CMSS1: variants seen among roughly 807,000 people sequenced by gnomAD.
CMSS1 encodes protein CMSS1.
In CMSS1, 33 loss-of-function variants were observed where a neutral mutation model predicts 43.5. That is an observed-to-expected ratio of 0.76 (90% confidence interval 0.57 to 1.01). The LOEUF (loss-of-function observed/expected upper bound fraction) is 1.01, where lower values mean the gene tolerates loss of function less well. Ranked by LOEUF, CMSS1 falls within the 50% of genes least tolerant of loss-of-function variation. The pLI is 0.00. For missense variants in CMSS1, 313 were observed against 326.4 expected, an observed-to-expected ratio of 0.96 and a Z score of 0.32; for synonymous variants, 115 against 117.2, an observed-to-expected ratio of 0.98 and a Z score of 0.12.
intron 1 of CMSS1, among the ~76,000 whole-genome samples, chr3:99,920,144 T>G (rs971211560): frequency 1.3e-5 from 2 of 152,224 alleles, no homozygotes; most frequent in Non-Finnish European, 2.9e-5. Context: ...TAACAATATT[T>G]CTTTCCTGCT....
intron 1 of CMSS1, among the ~76,000 whole-genome samples, chr3:99,929,181 T>C (rs1288072475): frequency 1.3e-5 from 2 of 152,272 alleles, no homozygotes; most frequent in East Asian, 3.9e-4. Context: ...TTCCAAAGGG[T>C]TTCAGAAATG....
chr3:100,136,184 AGAG>A (rs2066751561), intron 1 of CMSS1, among the ~76,000 whole-genome samples: 1 of 152,224 alleles, frequency 6.6e-6, no homozygotes, highest in Non-Finnish European at 1.5e-5. Context: ...GGAGAGAAGA[AGAG>A]ATCTTAAGGA....
At chr3:99,872,266 G>A (rs971961309) in intron 1 of CMSS1, among the ~76,000 whole-genome samples, 5 of 85,536 alleles carry the variant, frequency 5.8e-5, no homozygotes, top group Admixed American at 4.4e-4. Context: ...TTCTGTGCCA[G>A]GACTGTGTGT....
chr3:99,929,513 AGTGT>A (rs10629410), intron 1 of CMSS1, among the ~76,000 whole-genome samples: 2,100 of 148,268 alleles, frequency 0.014, 16 homozygotes, highest in African/African-American at 0.023. Context: ...AAGTTCCCAG[AGTGT>A]GTGTGTGTGT....
At position 100,147,029 on chromosome 3, in the gene CMSS1, C is replaced by G. The variant is rs1468420431; in HGVS notation, c.121C>G (p.Pro41Ala). The G allele has an allele frequency of 1.2e-6, 2 of 1,613,904 alleles. No homozygotes were observed. The highest frequency in any genetic ancestry group is 2.2e-5 in the South Asian group (2 of 91,038). Residue 41 changes from proline (P) to alanine (A), a missense_variant, in exon 2 of 10, where the codon CCA (proline) becomes GCA (alanine). Pro to Ala is a conservative substitution (Grantham distance 27). Coordinates refer to ENST00000421999, the MANE Select transcript of CMSS1 (RefSeq NM_032359.4). The part of the protein sequence containing the change: ...DTEVMQQETV[P>A]VPVPSEKTKQ... The stretch of plus-strand genomic sequence containing the variant: ...AGAAGTGATGCAGCAGGAGACAGTT[C>G]CAGTTCCTGTACCTTCAGAGAAAAC...
At chr3:100,034,410 G>A (rs1240476906) in intron 1 of CMSS1, among the ~76,000 whole-genome samples, 1 of 152,190 alleles carries the variant, frequency 6.6e-6, no homozygotes, top group African/African-American at 2.4e-5. Context: ...AGATGTAATG[G>A]AAAGAATTCA....
At chr3:100,117,658 A>C (rs1371557329) in intron 1 of CMSS1, among the ~76,000 whole-genome samples, 1 of 151,826 alleles carries the variant, frequency 6.6e-6, no homozygotes, top group Non-Finnish European at 1.5e-5. Context: ...AGACATTAGA[A>C]AACAACTAAT....
intron 1 of CMSS1, among the ~76,000 whole-genome samples, chr3:100,115,575 GTC>G (rs66793218): frequency 0.037 from 3,598 of 97,402 alleles, 101 homozygotes; most frequent in East Asian, 0.08. Flanking sequence ...CTCTCTCTCT[GTC>G]TCTCTCTCTC....
chr3:100,112,630 T>C (rs1041479055), intron 1 of CMSS1, among the ~76,000 whole-genome samples: 9 of 152,370 alleles, frequency 5.9e-5, no homozygotes, highest in African/African-American at 2.2e-4. Flanking sequence ...TGCTTTTCTT[T>C]GCTGCAGAAC....
intron 1 of CMSS1, among the ~76,000 whole-genome samples, chr3:99,889,421 G>T (rs181302211): frequency 2.0e-5 from 3 of 152,070 alleles, no homozygotes; most frequent in Non-Finnish European, 2.9e-5. Context: ...AGTTACTAAT[G>T]TCTTTTCTGA....
chr3:99,821,462 T>C (rs1299586440), intron 1 of CMSS1, among the ~76,000 whole-genome samples: 1 of 152,192 alleles, frequency 6.6e-6, no homozygotes, highest in African/African-American at 2.4e-5. Flanking sequence ...CAGTGCTGAG[T>C]GTGCAGCCCA....
rs886962970 is a variant in CMSS1, at chr3:100,051,891, G to A, written c.65-95082G>A. Among the ~76,000 whole-genome samples, 10 of 147,864 alleles carry A rather than the reference G, an allele frequency of 6.8e-5. No individual in the cohort carries two copies. In the East Asian group the frequency reaches 1.8e-3, roughly 26 times the overall value. On this transcript the variant is annotated intron_variant, in intron 1 of 9. Coordinates refer to ENST00000421999, the MANE Select transcript of CMSS1 (RefSeq NM_032359.4). ...TAATTTAATGTAATATATTTTATAT[G>A]TCATATATTTATTAATATGTGTTAT...
intron 1 of CMSS1, among the ~76,000 whole-genome samples, chr3:100,095,307 A>G (rs1291227358): frequency 2.0e-5 from 3 of 152,164 alleles, no homozygotes; most frequent in Non-Finnish European, 2.9e-5. Flanking sequence ...TTAACACTAT[A>G]TATCAATTAG....
At chr3:99,982,709 C>G (rs1308349549) in intron 1 of CMSS1, among the ~76,000 whole-genome samples, 1 of 152,098 alleles carries the variant, frequency 6.6e-6, no homozygotes, top group East Asian at 1.9e-4. Flanking sequence ...AGTAACCAGA[C>G]CACCATTCAT....
intron 1 of CMSS1, among the ~76,000 whole-genome samples, chr3:100,031,645 C>A (rs1388285544): frequency 1.3e-5 from 2 of 152,118 alleles, no homozygotes; most frequent in Non-Finnish European, 2.9e-5. Flanking sequence ...AACGCATTCT[C>A]TCCCCTCAAG....
intron 1 of CMSS1, among the ~76,000 whole-genome samples, chr3:99,835,877 T>A (rs547051570): frequency 2.6e-5 from 4 of 152,218 alleles, no homozygotes; most frequent in African/African-American, 9.6e-5. Flanking sequence ...GAGTAGGATT[T>A]TAGTATGAGG....
intron 1 of CMSS1, among the ~76,000 whole-genome samples, chr3:99,979,262 A>G (rs1344536448): frequency 6.6e-6 from 1 of 152,154 alleles, no homozygotes; most frequent in Admixed American, 6.5e-5. Flanking sequence ...TATTTTTTTG[A>G]ATGAGACTCT....
chr3:99,876,144 T>G (rs1705505323), intron 1 of CMSS1: 31 of 986,142 alleles, frequency 3.1e-5, no homozygotes, highest in Non-Finnish European at 3.7e-5. Flanking sequence ...GAGCCGACTG[T>G]GCGCGCTCCG....
At chr3:99,830,441 G>C (rs1476522648) in intron 1 of CMSS1, 1 of 452,798 alleles carries the variant, frequency 2.2e-6, no homozygotes, top group African/African-American at 2.0e-5. Context: ...CGTGGAGGAA[G>C]GTGTTGGAGG....
Sources: gnomAD v4.1 joint callset for allele counts (sites outside exome capture counted in the v4.1 genomes callset) on GRCh38, gnomAD v4.1.1 for gene constraint, MANE v1.5 for transcripts, NCBI Gene and HGNC (gene_info 2026-07-23, HGNC 2026-07-21) for gene names.